The following FDFT1 variants were observed in gnomAD, a reference collection of about 807,000 sequenced individuals.
FDFT1 encodes farnesyl-diphosphate farnesyltransferase 1.
FDFT1 carries 68 observed loss-of-function variants against 46.8 expected under a neutral mutation model. The observed-to-expected ratio is 1.45, with a 90% CI of 1.19 to 1.78. The LOEUF is 1.78. Ranked by LOEUF, FDFT1 falls within the 40% of genes most tolerant of loss-of-function variation. FDFT1 has a pLI of 0.00. For synonymous variants in FDFT1, 351 were observed against 185.1 expected (o/e 1.90, Z -7.28); for missense variants, 928 against 524.4 (o/e 1.77, Z -7.52).
At chr8:11,824,188 C>G (rs911253381) in intron 4 of FDFT1, among the ~76,000 whole-genome samples, 40 of 152,096 alleles carry the variant, frequency 2.6e-4, no homozygotes, top group Admixed American at 5.2e-4. Flanking sequence ...TAATGACACT[C>G]CAGAGCTTAC....
At position 11,803,496 on chromosome 8, in the gene FDFT1, A is replaced by G. The variant is rs1806413727; in HGVS notation, c.99+565A>G. 5 of 1,235,950 alleles carry G rather than the reference A, an allele frequency of 4.0e-6. No homozygotes were observed. The African/African-American group carries it at 6.3e-5, about 15-fold the overall frequency. 76.6% of individuals were successfully genotyped at this position (1,235,950 alleles called of 1,614,324 possible). ...CCAATGAGTTATCTAACGTCTATGGATTAGCTAGGTGGTTGGTGGAAGGTC... is the reference window on the plus strand; with the variant it reads ...CCAATGAGTTATCTAACGTCTATGGGTTAGCTAGGTGGTTGGTGGAAGGTC... On this transcript the variant is annotated intron_variant, in intron 1 of 7. Coordinates refer to ENST00000220584, the MANE Select transcript of FDFT1 (RefSeq NM_004462.5).
intron 7 of FDFT1, 64 bp downstream of exon 7, chr8:11,831,734 T>G: frequency 2.3e-6 from 3 of 1,326,334 alleles, no homozygotes; most frequent in Non-Finnish European, 3.3e-6. Context: ...AATGTCACTG[T>G]TTAACCAGGT....
chr8:11,829,838 T>TTTTTTGTTTTGTTTTG (rs1423177600), intron 5 of FDFT1, among the ~76,000 whole-genome samples: 4 of 151,964 alleles, frequency 2.6e-5, no homozygotes, highest in African/African-American at 9.7e-5. Flanking sequence ...CATAGTGTTT[T>TTTTTTGTTTTGTTTTG]TTTTTGTTTT....
chr8:11,802,053 C>G (rs560910483), upstream of FDFT1: 30 of 455,726 alleles, frequency 6.6e-5, no homozygotes, highest in Non-Finnish European at 1.2e-4. Flanking sequence ...ATTCCTGTTA[C>G]AGGCTCTCTA....
chr8:11,826,182 C>A lies in FDFT1; in HGVS notation c.669C>A (p.Asp223Glu). The A allele has an allele frequency of 6.3e-7, 1 of 1,580,048 alleles. No individual in the cohort carries two copies. The change falls in exon 5 of 8, where the codon GAC (aspartate) becomes GAA (glutamate). Residue 223 changes from aspartate to glutamate, a missense_variant. Physicochemically the swap from Asp to Glu is conservative, Grantham distance 45. Transcript: ENST00000220584. The stretch of plus-strand genomic sequence containing the variant: ...ACATCATCCGTGACTATCTGGAAGA[C>A]CAGCAAGGAGGAAGAGAGTTCTGGC... ...KTNIIRDYLE[D>E]QQGGREFWPQ...
intron 4 of FDFT1, among the ~76,000 whole-genome samples, chr8:11,822,911 T>A (rs902182298): frequency 6.6e-5 from 10 of 152,224 alleles, no homozygotes; most frequent in African/African-American, 2.4e-4. Flanking sequence ...TTCAGGAAAC[T>A]TAATTTTAGG....
chr8:11,803,636 T>G (rs1033181438), intron 1 of FDFT1: 70 of 506,758 alleles, frequency 1.4e-4, no homozygotes, highest in African/African-American at 1.3e-3. Context: ...GATTATTGAA[T>G]GAATAGACAA....
chr8:11,798,959 G>T (rs1242168787), upstream of FDFT1, among the ~76,000 whole-genome samples: 1 of 152,194 alleles, frequency 6.6e-6, no homozygotes, highest in African/African-American at 2.4e-5. Context: ...GCACTTTGAA[G>T]GAAAAGGCGT....
At chr8:11,837,089 G>T (rs558140962) in intron 7 of FDFT1, among the ~76,000 whole-genome samples, 1 of 152,376 alleles carries the variant, frequency 6.6e-6, no homozygotes, top group South Asian at 2.1e-4. Flanking sequence ...GCATAATCCT[G>T]AAGTTGAGAC....
At chr8:11,832,473 CTG>C (rs1351947667) in intron 7 of FDFT1, among the ~76,000 whole-genome samples, 1 of 142,610 alleles carries the variant, frequency 7.0e-6, no homozygotes, top group Non-Finnish European at 1.5e-5. Flanking sequence ...TCACATGAGC[CTG>C]AGAGGTCGAG....
rs183807313 is a variant in FDFT1 at position 11,823,837 on chromosome 8, G to T, written c.510+1959G>T. On this transcript the variant is annotated intron_variant, in intron 4 of 7. Transcript: ENST00000220584. The stretch of plus-strand genomic sequence containing the variant: ...AGGCTCACTGCAGCCTTCACCTCCT[G>T]TGCTCAAGCAGTCCTCTCACCTCAG... Among the ~76,000 whole-genome samples, 376 of 152,264 alleles carry T rather than the reference G, an allele frequency of 2.5e-3. 1 individual carries two copies. Among genetic ancestry groups the T allele is most frequent in the Non-Finnish European group, 3.9e-3 (264 of 68,012 alleles).
chr8:11,795,585 A>G (rs1008618120), exon 1 of FDFT1: 32 of 152,204 alleles, frequency 2.1e-4, no homozygotes, highest in Admixed American at 1.9e-3. Context: ...AAACGGTGGC[A>G]ACACGCTGGG....
chr8:11,831,466 A>G (rs1810775184), intron 6 of FDFT1, 52 bp from the exon 7 acceptor site: 10 of 1,541,146 alleles, frequency 6.5e-6, no homozygotes, highest in Non-Finnish European at 8.9e-6. Flanking sequence ...TGTGATAATG[A>G]TAGCTAACGA....
At chr8:11,827,708 A>C (rs1810196143) in intron 5 of FDFT1, among the ~76,000 whole-genome samples, 1 of 152,180 alleles carries the variant, frequency 6.6e-6, no homozygotes, top group East Asian at 1.9e-4. Flanking sequence ...TAAAAATCTG[A>C]AAAGATGCTG....
chr8:11,828,366 T>G (rs1341436124), intron 5 of FDFT1, among the ~76,000 whole-genome samples: 4 of 152,128 alleles, frequency 2.6e-5, no homozygotes, highest in African/African-American at 7.2e-5. Flanking sequence ...GTTTCCTAGG[T>G]GACTCGTGTG....
rs758908687 is a variant in FDFT1 at position 11,826,006 on chromosome 8, A to C, written c.511-18A>C. 3.2e-5 allele frequency: 48 copies of C among 1,503,746 alleles called. No homozygotes were observed. Among genetic ancestry groups the C allele is most frequent in the Non-Finnish European group, 4.1e-5 (46 of 1,112,486 alleles). The allele number at this position is 1,503,746 out of a possible 1,614,324, so 93.2% of individuals were successfully genotyped here. On this transcript the variant is annotated intron_variant, in intron 4 of 7. Coordinates refer to ENST00000220584, the MANE Select transcript of FDFT1 (RefSeq NM_004462.5). ...AAAAATTCCATTATTAAAGTGCTTT[A>C]AAAATCGTCTCTTACAGTACTGCCA...
chr8:11,818,176 T>A (rs1029670479), intron 3 of FDFT1, among the ~76,000 whole-genome samples: 6 of 152,176 alleles, frequency 3.9e-5, no homozygotes, highest in South Asian at 2.1e-4. Flanking sequence ...TGGTTTTGAG[T>A]GAGTTTATTA....
upstream of FDFT1, chr8:11,802,310 C>G (rs1049552601): frequency 2.5e-6 from 1 of 398,182 alleles, no homozygotes. Context: ...GCCACCGAGG[C>G]CGGACACGTG....
intron 3 of FDFT1, among the ~76,000 whole-genome samples, chr8:11,813,409 T>A (rs1808005737): frequency 6.6e-6 from 1 of 152,252 alleles, no homozygotes; most frequent in East Asian, 1.9e-4. Context: ...CTCTTTGTGT[T>A]ATTTGATCTA....
Sources: allele counts gnomAD v4.1 joint callset (sites outside exome capture counted in the v4.1 genomes callset), GRCh38; gene constraint gnomAD v4.1.1; transcripts MANE v1.5; gene names NCBI Gene and HGNC (gene_info 2026-07-23, HGNC 2026-07-21).